The following IGFL4 variants were observed in gnomAD, a reference collection of about 807,000 sequenced individuals.
The protein encoded by IGFL4 is insulin growth factor-like family member 4.
In IGFL4, 12 loss-of-function variants were observed where a neutral mutation model predicts 15.4. The ratio of observed to expected loss-of-function variants is 0.78; its 90% confidence interval spans 0.50 to 1.26. The LOEUF (loss-of-function observed/expected upper bound fraction) is 1.26, where lower values mean the gene tolerates loss of function less well. Ranked by LOEUF, IGFL4 falls within the 50% of genes most tolerant of loss-of-function variation. IGFL4 has a pLI of 0.00. For synonymous variants in IGFL4, 54 were observed against 55.9 expected, an observed-to-expected ratio of 0.97 and a Z score of 0.16; for missense variants, 126 against 147.8, an observed-to-expected ratio of 0.85 and a Z score of 0.76.
chr19:46,069,762 A>G (rs1969527990), intron 1 of IGFL4, among the ~76,000 whole-genome samples: 2 of 152,196 alleles, frequency 1.3e-5, no homozygotes, highest in Non-Finnish European at 2.9e-5. Flanking sequence ...TTGTATGTAC[A>G]TATTTGGGCA....
At chr19:46,075,436 AT>A (rs1378473690) in intron 1 of IGFL4, among the ~76,000 whole-genome samples, 6 of 152,018 alleles carry the variant, frequency 3.9e-5, no homozygotes, top group Non-Finnish European at 8.8e-5. Flanking sequence ...GAACTTGCTT[AT>A]TTTCTGGCAC....
upstream of IGFL4, among the ~76,000 whole-genome samples, chr19:46,041,762 C>T (rs1263789597): frequency 2.6e-5 from 4 of 150,970 alleles, no homozygotes; most frequent in African/African-American, 4.9e-5. Context: ...GGATAAGGCA[C>T]AGGTATTAGA....
upstream of IGFL4, among the ~76,000 whole-genome samples, chr19:46,043,541 C>T (rs1355506585): frequency 2.6e-5 from 4 of 152,162 alleles, no homozygotes; most frequent in African/African-American, 9.7e-5. Context: ...CCCAATTTCA[C>T]AATTACTCCA....
chr19:46,052,321 G>T (rs1969352630), intron 2 of IGFL4, among the ~76,000 whole-genome samples: 1 of 152,020 alleles, frequency 6.6e-6, no homozygotes, highest in East Asian at 1.9e-4. Context: ...GAATAAAATT[G>T]GAAATCAACT....
intron 1 of IGFL4, among the ~76,000 whole-genome samples, chr19:46,072,679 A>G (rs903285940): frequency 5.9e-5 from 9 of 152,196 alleles, no homozygotes; most frequent in Admixed American, 3.9e-4. Context: ...AGCCCTTATG[A>G]TGTGTTCTGT....
At position 46,052,982 on chromosome 19, in the gene IGFL4, AAG is replaced by A. The variant is rs553465538; in HGVS notation, c.-323+7201_-323+7202del. Reference sequence around the variant, plus strand: ...GTCAGAAAAGAAAAAAAAAAAAAAAAAGCAGGAGGAACCCTCGGTGGAAAGTA... The same window carrying A: ...GTCAGAAAAGAAAAAAAAAAAAAAAACAGGAGGAACCCTCGGTGGAAAGTA... On this transcript the variant is annotated intron_variant, in intron 2 of 5. Coordinates refer to the IGFL4 transcript ENST00000601672. Among the ~76,000 whole-genome samples the A allele has an allele frequency of 1.5e-4, 23 of 150,524 alleles. 1 individual carries two copies. The South Asian group carries it at 4.6e-3, about 30-fold the overall frequency.
chr19:46,045,979 C>T (rs1600670012), upstream of IGFL4, among the ~76,000 whole-genome samples: 3 of 151,838 alleles, frequency 2.0e-5, no homozygotes, highest in Admixed American at 1.3e-4. Flanking sequence ...TCTTCATTGT[C>T]GAAATGAAAG....
intron 1 of IGFL4, among the ~76,000 whole-genome samples, chr19:46,068,009 A>G (rs535304726): frequency 2.6e-5 from 4 of 152,290 alleles, no homozygotes; most frequent in Admixed American, 2.6e-4. Flanking sequence ...CTCTGACTGC[A>G]CCTTCCCCCA....
intron 1 of IGFL4, among the ~76,000 whole-genome samples, chr19:46,067,634 G>A (rs906214060): frequency 6.6e-6 from 1 of 152,200 alleles, no homozygotes; most frequent in African/African-American, 2.4e-5. Context: ...ATCCACGTGT[G>A]CTCAGGCTCA....
intron 2 of IGFL4, among the ~76,000 whole-genome samples, chr19:46,046,805 T>C (rs1286401475): frequency 6.6e-6 from 1 of 152,164 alleles, no homozygotes; most frequent in Non-Finnish European, 1.5e-5. Flanking sequence ...CACACAACAA[T>C]AGTGGAATAC....
At chr19:46,073,765 G>A (rs1327239196) in intron 1 of IGFL4, among the ~76,000 whole-genome samples, 1 of 152,140 alleles carries the variant, frequency 6.6e-6, no homozygotes, top group Non-Finnish European at 1.5e-5. Context: ...CTACAGTCAG[G>A]ATCCTCAATC....
upstream of IGFL4, among the ~76,000 whole-genome samples, chr19:46,042,175 C>T (rs545573184): frequency 4.6e-5 from 7 of 151,266 alleles, no homozygotes; most frequent in Admixed American, 2.0e-4. Flanking sequence ...TCCAAGTCTT[C>T]GGTATTGATT....
At chr19:46,069,737 C>G (rs1316335191) in intron 1 of IGFL4, among the ~76,000 whole-genome samples, 2 of 152,122 alleles carry the variant, frequency 1.3e-5, no homozygotes, top group Admixed American at 1.3e-4. Context: ...CCTAAAAATT[C>G]TGCAACAAAT....
At chr19:46,041,686 A>G (rs1969245031), upstream of IGFL4, among the ~76,000 whole-genome samples, 1 of 151,670 alleles carries the variant, frequency 6.6e-6, no homozygotes, top group Non-Finnish European at 1.5e-5. Flanking sequence ...TTTTTAGAGC[A>G]TGCCCCTCCA....
chr19:46,067,333 TCCAC>T (rs1755323455), intron 1 of IGFL4, among the ~76,000 whole-genome samples: 2 of 152,224 alleles, frequency 1.3e-5, no homozygotes, highest in South Asian at 4.1e-4. Context: ...CAGTTTGCCC[TCCAC>T]CCATCCAGGA....
At chr19:46,044,655 T>A (rs954482981), upstream of IGFL4, among the ~76,000 whole-genome samples, 1 of 152,196 alleles carries the variant, frequency 6.6e-6, no homozygotes, top group Non-Finnish European at 1.5e-5. Flanking sequence ...GCTAGACTGC[T>A]TCTTTAAGTG....
intron 2 of IGFL4, among the ~76,000 whole-genome samples, chr19:46,049,424 G>C (rs1046793138): frequency 6.6e-5 from 10 of 152,172 alleles, no homozygotes; most frequent in African/African-American, 2.4e-4. Context: ...TGCTGTTAGG[G>C]GGGCATAGTG....
At chr19:46,041,837 CTTTTT>C (rs11334515), upstream of IGFL4, among the ~76,000 whole-genome samples, 1 of 109,868 alleles carries the variant, frequency 9.1e-6, no homozygotes. Flanking sequence ...TCCTCTCTCT[CTTTTT>C]TTTTTTTTTT....
intron 2 of IGFL4, chr19:46,059,663 A>AT (rs1448668787): frequency 6.6e-6 from 1 of 152,088 alleles, no homozygotes; most frequent in East Asian, 1.9e-4. Context: ...CCAGTCTCCC[A>AT]TTTTTTACTA....
Sources: allele counts gnomAD v4.1 joint callset (sites outside exome capture counted in the v4.1 genomes callset), GRCh38; gene constraint gnomAD v4.1.1; transcripts MANE v1.5; gene names NCBI Gene and HGNC (gene_info 2026-07-23, HGNC 2026-07-21).